CCSER1: variants seen among roughly 807,000 people sequenced by gnomAD.
CCSER1 encodes the protein serine-rich coiled-coil domain-containing protein 1.
A neutral mutation model predicts 82.0 loss-of-function variants in CCSER1; 41 were observed. That is an observed-to-expected ratio of 0.50 (90% confidence interval 0.39 to 0.65). The LOEUF (loss-of-function observed/expected upper bound fraction) is 0.65. Ranked by LOEUF, CCSER1 falls within the 30% of genes least tolerant of loss-of-function variation. The pLI is 0.00. For missense variants in CCSER1, 1,119 were observed against 1,064.2 expected, an observed-to-expected ratio of 1.05 and a Z score of -0.72; for synonymous variants, 414 against 383.9, an observed-to-expected ratio of 1.08 and a Z score of -0.92.
intron 5 of CCSER1, among the ~76,000 whole-genome samples, chr4:90,602,772 A>G (rs985680889): frequency 3.3e-5 from 5 of 152,166 alleles, no homozygotes; most frequent in Non-Finnish European, 5.9e-5. Flanking sequence ...GGTGAATACT[A>G]TGCACATAGG....
chr4:90,983,561 A>T (rs1485879849), intron 9 of CCSER1, among the ~76,000 whole-genome samples: 1 of 151,704 alleles, frequency 6.6e-6, no homozygotes, highest in Non-Finnish European at 1.5e-5. Context: ...GTTTATTAAT[A>T]ATATAGAGCC....
At position 91,368,458 on chromosome 4, in the gene CCSER1, T is replaced by C. The variant is rs1578282193; in HGVS notation, c.2218-230114T>C. ...CTTATTTGCCTTTACCAGCTGAATA[T>C]TGTTTCTGTAATTCTTGGCAGAATT... On this transcript the variant is annotated intron_variant, in intron 10 of 10. Coordinates refer to ENST00000509176, the MANE Select transcript of CCSER1 (RefSeq NM_001145065.2). Among the ~76,000 whole-genome samples the C allele has an allele frequency of 2.0e-5, 3 of 152,294 alleles. No homozygotes were observed. In the South Asian group the frequency reaches 6.2e-4, roughly 32 times the overall value.
At position 90,542,188 on chromosome 4, in the gene CCSER1, G is replaced by A. The variant is rs564907825; in HGVS notation, c.1724+73834G>A. On this transcript the variant is annotated intron_variant, in intron 5 of 10. Coordinates refer to ENST00000509176, the MANE Select transcript of CCSER1 (RefSeq NM_001145065.2). Reference sequence around the variant, plus strand: ...AAAAATTTAAAAGCCTTTTGATGGGGAGTACCAGTTACTTGTCCAAATTGA... The same window carrying A: ...AAAAATTTAAAAGCCTTTTGATGGGAAGTACCAGTTACTTGTCCAAATTGA... 2.0e-5 allele frequency among the ~76,000 whole-genome samples: 3 copies of A among 152,120 alleles called. No homozygotes were observed. The East Asian group carries it at 5.8e-4, about 29-fold the overall frequency.
chr4:91,537,859 A>C (rs1578729173), intron 10 of CCSER1, among the ~76,000 whole-genome samples: 1 of 151,978 alleles, frequency 6.6e-6, no homozygotes, highest in Non-Finnish European at 1.5e-5. Context: ...TAAAAAAATC[A>C]AAGGCAAAAT....
At chr4:90,885,687 A>G (rs931943426) in intron 8 of CCSER1, among the ~76,000 whole-genome samples, 2 of 152,282 alleles carry the variant, frequency 1.3e-5, no homozygotes. Flanking sequence ...GTGAAAAAAT[A>G]TGATCAGTGC....
At chr4:91,415,337 T>A (rs543563488) in intron 10 of CCSER1, among the ~76,000 whole-genome samples, 2 of 152,236 alleles carry the variant, frequency 1.3e-5, no homozygotes, top group South Asian at 2.1e-4. Context: ...TTTCTAGACA[T>A]GGAATCATGA....
chr4:90,367,952 G>C (rs1746560834), intron 3 of CCSER1, among the ~76,000 whole-genome samples: 1 of 151,886 alleles, frequency 6.6e-6, no homozygotes, highest in Non-Finnish European at 1.5e-5. Context: ...GATTAAAAGA[G>C]TTTTACAGTA....
chr4:90,763,588 T>G (rs1290876779), intron 7 of CCSER1, among the ~76,000 whole-genome samples: 2 of 152,136 alleles, frequency 1.3e-5, no homozygotes, highest in Non-Finnish European at 2.9e-5. Context: ...GAGATGTTGG[T>G]AATCAGTTCA....
rs148236000 is a variant in CCSER1, at chr4:91,427,379, T to A, written c.2218-171193T>A. On this transcript the variant is annotated intron_variant, in intron 10 of 10. Coordinates refer to ENST00000509176, the MANE Select transcript of CCSER1 (RefSeq NM_001145065.2). ...CATGTTAGGTGCTCTTTTCAAAAGC[T>A]TACCTTTCAGTGGGATTGTATGTCA... 5.4e-3 allele frequency among the ~76,000 whole-genome samples: 815 copies of A among 152,262 alleles called. 4 individuals carry two copies. Among genetic ancestry groups the A allele is most frequent in the African/African-American group, 0.019 (787 of 41,576 alleles).
rs188293269 is a variant in CCSER1, at chr4:91,199,987, A to G, written c.2217+113993A>G. 8.9e-3 allele frequency among the ~76,000 whole-genome samples: 1,355 copies of G among 152,154 alleles called. 28 individuals are homozygous for G. The highest frequency in any genetic ancestry group is 0.032 in the African/African-American group (1,312 of 41,546). On this transcript the variant is annotated intron_variant, in intron 10 of 10. Coordinates refer to ENST00000509176, the MANE Select transcript of CCSER1 (RefSeq NM_001145065.2). ...ATTCAGAGAATTGTCTTTTTTTAGT[A>G]CTAATTAAAACATTCAAAAAACTAT...
At chr4:91,039,178 C>A (rs1295143161) in intron 9 of CCSER1, among the ~76,000 whole-genome samples, 1 of 151,594 alleles carries the variant, frequency 6.6e-6, no homozygotes, top group African/African-American at 2.4e-5. Flanking sequence ...AGGCATGTGC[C>A]ACCATGTCCA....
At chr4:91,291,248 G>A (rs1171849008) in intron 10 of CCSER1, among the ~76,000 whole-genome samples, 1 of 151,930 alleles carries the variant, frequency 6.6e-6, no homozygotes, top group African/African-American at 2.4e-5. Context: ...TTGAAGAAAT[G>A]TATTAGTAAA....
At chr4:91,023,134 C>T (rs183285211) in intron 9 of CCSER1, among the ~76,000 whole-genome samples, 7 of 152,090 alleles carry the variant, frequency 4.6e-5, no homozygotes, top group Non-Finnish European at 8.8e-5. Context: ...GAACTACAAA[C>T]CACTGCTCAA....
intron 10 of CCSER1, among the ~76,000 whole-genome samples, chr4:91,546,465 T>C (rs1272877666): frequency 6.6e-6 from 1 of 152,132 alleles, no homozygotes; most frequent in African/African-American, 2.4e-5. Flanking sequence ...TTGTATGAGG[T>C]TTGACAAATT....
intron 8 of CCSER1, among the ~76,000 whole-genome samples, chr4:90,917,129 T>C (rs950033555): frequency 6.6e-6 from 1 of 152,130 alleles, no homozygotes; most frequent in African/African-American, 2.4e-5. Flanking sequence ...GATCTAGAAC[T>C]AGAAATACCA....
chr4:91,365,352 G>C (rs921148903), intron 10 of CCSER1, among the ~76,000 whole-genome samples: 6 of 152,108 alleles, frequency 3.9e-5, no homozygotes, highest in Non-Finnish European at 7.4e-5. Flanking sequence ...ATCATGAAAT[G>C]CCCTGTACGT....
chr4:91,506,073 C>T (rs1313171439), intron 10 of CCSER1, among the ~76,000 whole-genome samples: 2 of 152,166 alleles, frequency 1.3e-5, no homozygotes, highest in Non-Finnish European at 2.9e-5. Flanking sequence ...TTGGGTTTTA[C>T]ACTTAAGTCT....
At chr4:91,064,143 T>C (rs945114128) in intron 9 of CCSER1, among the ~76,000 whole-genome samples, 3 of 152,202 alleles carry the variant, frequency 2.0e-5, no homozygotes, top group South Asian at 2.1e-4. Flanking sequence ...CAGGGAAACA[T>C]TAATTTTTTC....
intron 10 of CCSER1, among the ~76,000 whole-genome samples, chr4:91,141,524 A>G (rs1476052185): frequency 6.6e-6 from 1 of 152,004 alleles, no homozygotes; most frequent in Admixed American, 6.6e-5. Flanking sequence ...TATCCAATCC[A>G]CTACTGATGA....
Sources: allele counts gnomAD v4.1 joint callset (sites outside exome capture counted in the v4.1 genomes callset), GRCh38; gene constraint gnomAD v4.1.1; transcripts MANE v1.5; gene names NCBI Gene and HGNC (gene_info 2026-07-23, HGNC 2026-07-21).